PARP8: variants seen among roughly 807,000 people sequenced by gnomAD.
The protein encoded by PARP8 is protein mono-ADP-ribosyltransferase PARP8.
In PARP8, 51 loss-of-function variants were observed where a neutral mutation model predicts 124.1. The observed-to-expected ratio is 0.41, with a 90% CI of 0.33 to 0.52. PARP8 has a LOEUF of 0.52. Among genes scored for constraint, PARP8 ranks in the 20% least tolerant of loss-of-function variants. The probability of loss-of-function intolerance (pLI) is 0.21; values close to 1 mark genes in which losing one functional copy is unlikely to be tolerated. For missense variants in PARP8, 860 were observed against 1,018.9 expected (o/e 0.84, Z 2.12); for synonymous variants, 391 against 361.5 (o/e 1.08, Z -0.93).
intron 2 of PARP8, among the ~76,000 whole-genome samples, chr5:50,704,344 A>T (rs1753909711): frequency 6.6e-6 from 1 of 152,190 alleles, no homozygotes; most frequent in African/African-American, 2.4e-5. Context: ...TCAGGACATA[A>T]TCAGAAAATG....
chr5:50,743,064 G>A (rs145668323), intron 2 of PARP8, among the ~76,000 whole-genome samples: 137 of 152,264 alleles, frequency 9.0e-4, no homozygotes, highest in African/African-American at 3.1e-3. Flanking sequence ...GGGACATGGG[G>A]GTTTGAGATT....
At chr5:50,702,424 C>G (rs1038054374) in intron 2 of PARP8, among the ~76,000 whole-genome samples, 1 of 152,096 alleles carries the variant, frequency 6.6e-6, no homozygotes, top group African/African-American at 2.4e-5. Context: ...TCACACCTGC[C>G]TGGAGAGTTG....
chr5:50,693,632 A>G (rs1193183618), intron 2 of PARP8, among the ~76,000 whole-genome samples: 3 of 151,602 alleles, frequency 2.0e-5, no homozygotes, highest in Admixed American at 2.0e-4. Flanking sequence ...ATATTAATCT[A>G]TTACATACAT....
intron 2 of PARP8, among the ~76,000 whole-genome samples, chr5:50,711,848 C>G (rs1754799311): frequency 6.6e-6 from 1 of 152,052 alleles, no homozygotes; most frequent in African/African-American, 2.4e-5. Context: ...TTCTGTTTTC[C>G]ATAGTGATTA....
At chr5:50,766,594 C>T (rs1476583915) in intron 7 of PARP8, among the ~76,000 whole-genome samples, 1 of 152,098 alleles carries the variant, frequency 6.6e-6, no homozygotes, top group Non-Finnish European at 1.5e-5. Flanking sequence ...AAATTTAAGT[C>T]ATATGAGTAA....
chr5:50,726,189 T>A (rs1295366740), intron 2 of PARP8, among the ~76,000 whole-genome samples: 2 of 152,138 alleles, frequency 1.3e-5, no homozygotes, highest in Non-Finnish European at 2.9e-5. Flanking sequence ...TCACTTTAAT[T>A]CCCTTAGTAG....
At chr5:50,679,242 A>C (rs1751007156) in intron 2 of PARP8, among the ~76,000 whole-genome samples, 1 of 152,070 alleles carries the variant, frequency 6.6e-6, no homozygotes, top group Admixed American at 6.6e-5. Flanking sequence ...CCAAGTCTAA[A>C]CCTTTATAAT....
At chr5:50,786,842 T>TTA (rs367699530) in intron 9 of PARP8, among the ~76,000 whole-genome samples, 14 of 152,022 alleles carry the variant, frequency 9.2e-5, no homozygotes, top group East Asian at 3.9e-4. Context: ...CCTCATGCCT[T>TTA]TATATATATA....
At chr5:50,787,992 G>A (rs1007345750) in intron 9 of PARP8, among the ~76,000 whole-genome samples, 1 of 148,914 alleles carries the variant, frequency 6.7e-6, no homozygotes, top group African/African-American at 2.5e-5. Flanking sequence ...TACGAACCAC[G>A]TGAAAAGGAA....
At chr5:50,759,063 T>G (rs1760266131) in intron 3 of PARP8, among the ~76,000 whole-genome samples, 1 of 152,112 alleles carries the variant, frequency 6.6e-6, no homozygotes, top group Non-Finnish European at 1.5e-5. Flanking sequence ...TTTGAATGAT[T>G]TGATAATGAA....
intron 2 of PARP8, among the ~76,000 whole-genome samples, chr5:50,719,397 TG>T (rs1449204550): frequency 7.9e-5 from 12 of 152,106 alleles, no homozygotes; most frequent in Admixed American, 3.9e-4. Flanking sequence ...AAGAAATCTT[TG>T]CCCAGAACAA....
intron 14 of PARP8, among the ~76,000 whole-genome samples, chr5:50,810,963 T>C (rs751442697): frequency 1.3e-5 from 2 of 152,110 alleles, no homozygotes; most frequent in Non-Finnish European, 2.9e-5. Context: ...TATTCCTTAC[T>C]TTTACTTCTC....
chr5:50,801,016 T>C (rs1171748374), intron 14 of PARP8, among the ~76,000 whole-genome samples: 1 of 152,008 alleles, frequency 6.6e-6, no homozygotes, highest in Non-Finnish European at 1.5e-5. Flanking sequence ...CCTTAGCCTC[T>C]CAAAGTGTTA....
At chr5:50,732,986 C>A (rs1268702333) in intron 2 of PARP8, among the ~76,000 whole-genome samples, 1 of 151,436 alleles carries the variant, frequency 6.6e-6, no homozygotes, top group Non-Finnish European at 1.5e-5. Flanking sequence ...TATTTCTCAT[C>A]TGTGGTCATA....
At chr5:50,696,879 T>A (rs1753087332) in intron 2 of PARP8, among the ~76,000 whole-genome samples, 1 of 152,138 alleles carries the variant, frequency 6.6e-6, no homozygotes, top group Non-Finnish European at 1.5e-5. Flanking sequence ...CCTTCCTCTG[T>A]AACATTGGAC....
chr5:50,750,262 A>G (rs1268718284), intron 3 of PARP8, 74 bp downstream of exon 3: 14 of 1,221,462 alleles, frequency 1.1e-5, no homozygotes, highest in African/African-American at 3.0e-5. Flanking sequence ...TGGAGATGTA[A>G]AACGCATATA....
chr5:50,753,059 A>G (rs1251191627), intron 3 of PARP8, among the ~76,000 whole-genome samples: 2 of 152,090 alleles, frequency 1.3e-5, no homozygotes, highest in Non-Finnish European at 2.9e-5. Context: ...ACTGTTCATG[A>G]TTAAGTGAAG....
chr5:50,755,697 G>GT (rs1561334124), intron 3 of PARP8, among the ~76,000 whole-genome samples: 1 of 152,128 alleles, frequency 6.6e-6, no homozygotes, highest in Non-Finnish European at 1.5e-5. Context: ...CTTTAAAGTA[G>GT]TTTTTTCCAA....
upstream of PARP8, chr5:50,666,455 G>A (rs981426918): frequency 6.6e-6 from 1 of 151,834 alleles, no homozygotes; most frequent in African/African-American, 2.4e-5. Flanking sequence ...CTCCCGGCGC[G>A]AGTGGAGGTC....
Sources: gnomAD v4.1 joint callset for allele counts (sites outside exome capture counted in the v4.1 genomes callset) on GRCh38, gnomAD v4.1.1 for gene constraint, MANE v1.5 for transcripts, NCBI Gene and HGNC (gene_info 2026-07-23, HGNC 2026-07-21) for gene names.